The following SGCZ variants were observed in gnomAD, a reference collection of about 807,000 sequenced individuals.
SGCZ encodes zeta-sarcoglycan.
In SGCZ, 40 loss-of-function variants were observed where a neutral mutation model predicts 41.3. The ratio of observed to expected loss-of-function variants is 0.97; its 90% CI spans 0.75 to 1.26. The LOEUF (loss-of-function observed/expected upper bound fraction) is 1.26. SGCZ is among the 50% of genes most tolerant of loss of function. The probability of loss-of-function intolerance (pLI) is 0.00; values close to 1 mark genes in which losing one functional copy is unlikely to be tolerated. For synonymous variants in SGCZ, 206 were observed against 137.5 expected (o/e 1.50, Z -3.49); for missense variants, 552 against 369.8 (o/e 1.49, Z -4.04).
At chr8:14,788,097 G>A (rs1585260652) in intron 1 of SGCZ, among the ~76,000 whole-genome samples, 1 of 152,132 alleles carries the variant, frequency 6.6e-6, no homozygotes, top group East Asian at 1.9e-4. Context: ...ACTGTGAGTG[G>A]TAGAAAGCAT....
chr8:14,271,326 C>G (rs73664086), intron 3 of SGCZ, among the ~76,000 whole-genome samples: 1 of 152,028 alleles, frequency 6.6e-6, no homozygotes, highest in East Asian at 1.9e-4. Flanking sequence ...AGCCTAAAAA[C>G]TTTAGATGAG....
In SGCZ at chr8:14,212,189, A is replaced by G. The variant is rs1333717814; in HGVS notation, c.424+25403T>C. 2.6e-5 allele frequency among the ~76,000 whole-genome samples: 4 copies of G among 152,070 alleles called. No individual in the cohort carries two copies. In the East Asian group the frequency reaches 5.8e-4, roughly 22 times the overall value. ...ACTAGCATTCCTAGGATCTTTCACC[A>G]AGAAGCAGAAGGTGACCCACACTGG... On this transcript the variant is annotated intron_variant, in intron 4 of 7. Coordinates refer to ENST00000382080, the MANE Select transcript of SGCZ (RefSeq NM_139167.4).
chr8:15,151,143 C>A (rs1048384397), intron 1 of SGCZ, among the ~76,000 whole-genome samples: 2 of 152,200 alleles, frequency 1.3e-5, no homozygotes, highest in African/African-American at 2.4e-5. Flanking sequence ...AGGACTACTG[C>A]GGTACGCCAA....
At chr8:14,790,601 G>A (rs192416364) in intron 1 of SGCZ, among the ~76,000 whole-genome samples, 22 of 152,140 alleles carry the variant, frequency 1.4e-4, no homozygotes, top group Non-Finnish European at 2.9e-5. Flanking sequence ...AGAATTAAAG[G>A]TAAGAAACAA....
At chr8:14,464,560 T>C (rs1311590958) in intron 2 of SGCZ, among the ~76,000 whole-genome samples, 1 of 151,054 alleles carries the variant, frequency 6.6e-6, no homozygotes, top group African/African-American at 2.4e-5. Context: ...AATTTGTATG[T>C]TGATTTTCTT....
chr8:14,314,006 A>G (rs1018920290), intron 3 of SGCZ, among the ~76,000 whole-genome samples: 10 of 151,888 alleles, frequency 6.6e-5, no homozygotes, highest in African/African-American at 2.4e-4. Context: ...GCATTTGTTT[A>G]TAAAGGCAAT....
At chr8:14,252,953 G>C (rs943166851) in intron 3 of SGCZ, among the ~76,000 whole-genome samples, 1 of 152,118 alleles carries the variant, frequency 6.6e-6, no homozygotes, top group Non-Finnish European at 1.5e-5. Context: ...TTAAGGCATA[G>C]CTAGGTTGCC....
intron 2 of SGCZ, among the ~76,000 whole-genome samples, chr8:14,523,629 C>T (rs957800438): frequency 6.6e-6 from 1 of 151,842 alleles, no homozygotes; most frequent in African/African-American, 2.4e-5. Flanking sequence ...AGAAGCTTGC[C>T]TGTTTGTGTC....
intron 1 of SGCZ, among the ~76,000 whole-genome samples, chr8:15,003,857 G>A (rs1211542673): frequency 6.6e-6 from 1 of 152,088 alleles, no homozygotes; most frequent in Non-Finnish European, 1.5e-5. Context: ...AAACAATTAT[G>A]AAAGTAATTT....
chr8:15,208,279 A>G (rs887620725), intron 1 of SGCZ, among the ~76,000 whole-genome samples: 1 of 152,182 alleles, frequency 6.6e-6, no homozygotes, highest in Admixed American at 6.5e-5. Context: ...TTCCCAATAT[A>G]GGTATGGCAT....
At chr8:15,113,413 C>G (rs1214806091) in intron 1 of SGCZ, among the ~76,000 whole-genome samples, 1 of 152,150 alleles carries the variant, frequency 6.6e-6, no homozygotes, top group African/African-American at 2.4e-5. Flanking sequence ...CTCAATTCAG[C>G]TAACAATTGA....
chr8:14,246,738 T>A, intron 3 of SGCZ, among the ~76,000 whole-genome samples: 1 of 151,576 alleles, frequency 6.6e-6, no homozygotes, highest in Non-Finnish European at 1.5e-5. Context: ...AAACTCCGTC[T>A]CTACTAAAAA....
chr8:15,113,290 C>A (rs534126429), intron 1 of SGCZ, among the ~76,000 whole-genome samples: 1 of 151,932 alleles, frequency 6.6e-6, no homozygotes, highest in Admixed American at 6.6e-5. Flanking sequence ...TAAATGAGTT[C>A]TATGTGAAAG....
intron 1 of SGCZ, among the ~76,000 whole-genome samples, chr8:15,162,275 A>G (rs1036547636): frequency 6.6e-6 from 1 of 152,248 alleles, no homozygotes; most frequent in African/African-American, 2.4e-5. Flanking sequence ...ACATAAAGAA[A>G]TAAATAACGA....
chr8:14,865,938 T>C (rs1803915752), intron 1 of SGCZ, among the ~76,000 whole-genome samples: 1 of 152,120 alleles, frequency 6.6e-6, no homozygotes, highest in Non-Finnish European at 1.5e-5. Context: ...TTGTCATTAA[T>C]TTGCCTCTAT....
chr8:14,234,204 A>C (rs1806674938), intron 4 of SGCZ, among the ~76,000 whole-genome samples: 1 of 152,052 alleles, frequency 6.6e-6, no homozygotes, highest in South Asian at 2.1e-4. Flanking sequence ...GAAACATATA[A>C]AATATTTCTC....
At chr8:14,956,431 C>T (rs568381190) in intron 1 of SGCZ, among the ~76,000 whole-genome samples, 1 of 152,230 alleles carries the variant, frequency 6.6e-6, no homozygotes, top group South Asian at 2.1e-4. Flanking sequence ...GTATATCAGA[C>T]ATTTATTAAT....
At chr8:14,618,731 T>C (rs1806187923) in intron 1 of SGCZ, among the ~76,000 whole-genome samples, 1 of 152,152 alleles carries the variant, frequency 6.6e-6, no homozygotes, top group Non-Finnish European at 1.5e-5. Context: ...AAACAAATGA[T>C]GGGTGCTCAT....
intron 2 of SGCZ, among the ~76,000 whole-genome samples, chr8:14,327,522 G>C (rs1272549753): frequency 6.6e-6 from 1 of 152,058 alleles, no homozygotes; most frequent in Non-Finnish European, 1.5e-5. Context: ...ATGGAAACTA[G>C]TTCTAACACA....
Sources: allele counts gnomAD v4.1 joint callset (sites outside exome capture counted in the v4.1 genomes callset), GRCh38; gene constraint gnomAD v4.1.1; transcripts MANE v1.5; gene names NCBI Gene and HGNC (gene_info 2026-07-23, HGNC 2026-07-21).